The following TTC8 variants were observed in gnomAD, a reference collection of about 807,000 sequenced individuals.
The protein encoded by TTC8 is tetratricopeptide repeat domain 8, also known as tetratricopeptide repeat protein 8.
TTC8 carries 47 observed loss-of-function variants against 72.5 expected under a neutral mutation model. The observed-to-expected ratio is 0.65, with a 90% CI of 0.51 to 0.83. TTC8 has a LOEUF of 0.83. Among genes scored for constraint, TTC8 ranks in the 40% least tolerant of loss-of-function variants. TTC8 has a pLI of 0.00. For missense variants in TTC8, 611 were observed against 623.2 expected (o/e 0.98, Z 0.21); for synonymous variants, 199 against 221.4 (o/e 0.90, Z 0.90).
intron 9 of TTC8, among the ~76,000 whole-genome samples, chr14:88,858,617 G>C (rs567141879): frequency 1.3e-5 from 2 of 151,412 alleles, no homozygotes; most frequent in African/African-American, 4.8e-5. Flanking sequence ...TTTCTGAGTA[G>C]GGGTGTCACT....
At position 88,843,708 on chromosome 14, in the gene TTC8, G is replaced by C. The variant is rs1411569752; in HGVS notation, c.580-98G>C. 6.5e-6 allele frequency: 5 copies of C among 763,508 alleles called. No individual in the cohort carries two copies. The East Asian group carries it at 8.1e-5, about 12-fold the overall frequency. The allele number at this position is 763,508 out of a possible 1,614,324, so 47.3% of individuals were successfully genotyped here. On this transcript the variant is annotated intron_variant, in intron 6 of 14. Transcript: ENST00000380656. ...GAGTGATAGTAACAAAAGATGGATA[G>C]GCCCTTTTATCTATAAATCCAGGGC... is the stretch of plus-strand genomic sequence containing the variant.
intron 2 of TTC8, among the ~76,000 whole-genome samples, chr14:88,834,189 A>C (rs1195302212): frequency 2.0e-5 from 3 of 152,176 alleles, no homozygotes; most frequent in Admixed American, 2.0e-4. Flanking sequence ...ACAGTGAGGG[A>C]AGAAGAAAGG....
At chr14:88,830,290 T>C (rs2094719881) in intron 1 of TTC8, among the ~76,000 whole-genome samples, 1 of 152,170 alleles carries the variant, frequency 6.6e-6, no homozygotes, top group Admixed American at 6.5e-5. Context: ...TTGAAGTTGA[T>C]GCTAATGGGT....
At chr14:88,848,274 TATAAA>T (rs1227009218) in intron 7 of TTC8, among the ~76,000 whole-genome samples, 3 of 150,548 alleles carry the variant, frequency 2.0e-5, no homozygotes, top group East Asian at 2.0e-4. Context: ...ACAACAAAAA[TATAAA>T]ATAAAGAGTC....
rs2094933365 is a variant in TTC8 at position 88,871,429 on chromosome 14, TAAG to T, written c.1050-119_1050-117del. The T allele has an allele frequency of 3.4e-6, 3 of 882,466 alleles. No individual in the cohort carries two copies. The highest frequency in any genetic ancestry group is 5.4e-6 in the Non-Finnish European group (3 of 559,900). The allele number at this position is 882,466 out of a possible 1,614,324, so 54.7% of individuals were successfully genotyped here. ...TTACTATAACACGTATTTATATTCT[TAAG>T]GAGTATCAAAAATCACAAGATGAAT... On this transcript the variant is annotated intron_variant, in intron 11 of 14. Transcript: ENST00000380656. The surrounding 1 kb of genome is among the most constrained non-coding windows in gnomAD (Gnocchi z 4.1).
chr14:88,859,193 T>C (rs1054819612), intron 9 of TTC8, among the ~76,000 whole-genome samples: 3 of 152,118 alleles, frequency 2.0e-5, no homozygotes, highest in African/African-American at 7.2e-5. Context: ...AGATTTTTGT[T>C]CTATCACAAT....
chr14:88,877,091 C>T (rs561863315), intron 14 of TTC8, among the ~76,000 whole-genome samples: 2 of 151,818 alleles, frequency 1.3e-5, no homozygotes, highest in South Asian at 2.1e-4. Flanking sequence ...ATCTAGAATT[C>T]TAAAATCAAA....
At chr14:88,831,704 C>T (rs2094726873) in intron 1 of TTC8, among the ~76,000 whole-genome samples, 1 of 152,166 alleles carries the variant, frequency 6.6e-6, no homozygotes, top group Non-Finnish European at 1.5e-5. Context: ...TATTTGCATG[C>T]AGGATTCTAT....
In TTC8 at chr14:88,860,191, A is replaced by T. The variant is rs180824879; in HGVS notation, c.799-1031A>T. ...TAAAAACTGAAAAGTTATTATCCAT[A>T]CCTCTCTCTCTCATCTCAAACTTTA... On this transcript the variant is annotated intron_variant, in intron 9 of 14. Transcript: ENST00000380656. Among the ~76,000 whole-genome samples the T allele has an allele frequency of 7.3e-4, 110 of 151,502 alleles. 1 individual carries two copies. In the East Asian group the frequency reaches 0.018, roughly 24 times the overall value.
At chr14:88,824,529 T>C (rs373307865), upstream of TTC8, 1 of 598,348 alleles carries the variant, frequency 1.7e-6, no homozygotes. Context: ...GCAAGCCCTG[T>C]AGCCGAGTTC....
At chr14:88,850,757 T>G (rs1428107175) in intron 7 of TTC8, among the ~76,000 whole-genome samples, 1 of 152,226 alleles carries the variant, frequency 6.6e-6, no homozygotes, top group Non-Finnish European at 1.5e-5. Flanking sequence ...AACCAAATTC[T>G]GTCAAAATAT....
At position 88,841,506 on chromosome 14, in the gene TTC8, T is replaced by C. The variant is rs371704229; in HGVS notation, c.571T>C (p.Leu191=). The stretch of plus-strand genomic sequence containing the variant: ...AACAAAGTATTCCCAGAAACCTAAG[T>C]TGGCAAAGGTATGTACTTAAAATGA... The part of the protein sequence containing the change: ...NLTKYSQKPK[L]AKALFEYIFH... Residue 191 remains leucine, a synonymous_variant, in exon 6 of 15, where the codon TTG becomes CTG. Transcript: ENST00000380656. 1.2e-6 allele frequency: 2 copies of C among 1,612,610 alleles called. No individual in the cohort carries two copies. Among genetic ancestry groups the C allele is most frequent in the African/African-American group, 2.7e-5 (2 of 75,034 alleles).
chr14:88,832,556 A>G (rs2094731003), intron 1 of TTC8, among the ~76,000 whole-genome samples: 1 of 152,102 alleles, frequency 6.6e-6, no homozygotes, highest in Non-Finnish European at 1.5e-5. Context: ...CCTTAAACAA[A>G]TTACTTAACA....
At chr14:88,870,542 A>G (rs1418473385) in intron 11 of TTC8, among the ~76,000 whole-genome samples, 1 of 152,212 alleles carries the variant, frequency 6.6e-6, no homozygotes, top group Non-Finnish European at 1.5e-5. Flanking sequence ...AAAGACACTG[A>G]AATTGAAAGG....
chr14:88,872,179 G>A, intron 12 of TTC8, 151 bp from the exon 13 acceptor site: 1 of 1,198,258 alleles, frequency 8.3e-7, no homozygotes. Flanking sequence ...ATATTCTTAG[G>A]TTAAATCCAC....
chr14:88,870,220 T>C (rs773847388), intron 11 of TTC8, 22 bp downstream of exon 11: 2 of 1,612,568 alleles, frequency 1.2e-6, no homozygotes, highest in South Asian at 2.2e-5. Context: ...ATCCAATTCT[T>C]AGAACCACTT....
Position 88,871,743 on chromosome 14 carries a change from T to C in TTC8, c.1224+20T>C, listed in dbSNP as rs373165877. ...GCTGTGGTATGTTGTCTTACTGATA[T>C]AATTTCTGTTATAGAAAGTTGGTTT... On this transcript the variant is annotated intron_variant, in intron 12 of 14. Coordinates refer to ENST00000380656, the MANE Select transcript of TTC8 (RefSeq NM_144596.4). This position sits in a 1 kb window ranked among gnomAD's most constrained non-coding sequence, Gnocchi z 4.1. 3.1e-6 allele frequency: 5 copies of C among 1,613,928 alleles called. No individual in the cohort carries two copies. In the South Asian group the frequency reaches 3.3e-5, roughly 11 times the overall value.
chr14:88,839,969 A>G (rs2094772558), intron 3 of TTC8, among the ~76,000 whole-genome samples: 1 of 152,204 alleles, frequency 6.6e-6, no homozygotes, highest in Non-Finnish European at 1.5e-5. Flanking sequence ...TATCCAAACA[A>G]CAGAGGTGTT....
At chr14:88,850,463 C>T (rs1055274120) in intron 7 of TTC8, among the ~76,000 whole-genome samples, 19 of 152,010 alleles carry the variant, frequency 1.2e-4, no homozygotes, top group African/African-American at 4.3e-4. Flanking sequence ...CTGAGGCAGG[C>T]GGATCAACTT....
Sources: gnomAD v4.1 joint callset for allele counts (sites outside exome capture counted in the v4.1 genomes callset) on GRCh38, gnomAD v4.1.1 for gene constraint, Gnocchi (gnomAD v3.1) non-coding constraint, MANE v1.5 for transcripts, NCBI Gene and HGNC (gene_info 2026-07-23, HGNC 2026-07-21) for gene names.